Variants in NBAS observed in about 807,000 individuals in gnomAD.
NBAS encodes NBAS subunit of NRZ tethering complex.
In NBAS, 219 loss-of-function variants were observed where a neutral mutation model predicts 302.5. That is an observed-to-expected ratio of 0.72 (90% CI 0.65 to 0.81). NBAS has a LOEUF of 0.81. Ranked by LOEUF, NBAS falls within the 30% of genes least tolerant of loss-of-function variation. The pLI, the probability that NBAS is intolerant of heterozygous loss-of-function variation, is 0.00. For synonymous variants in NBAS, 1,118 were observed against 1,021.6 expected, an observed-to-expected ratio of 1.09 and a Z score of -1.80; for missense variants, 2,932 against 2,841.6, an observed-to-expected ratio of 1.03 and a Z score of -0.72.
At position 15,403,864 on chromosome 2, in the gene NBAS, C is replaced by CGTGTGTGTGTGTGTGT. The variant is rs10624311; in HGVS notation, c.2938-1579_2938-1564dup. Among the ~76,000 whole-genome samples the CGTGTGTGTGTGTGTGT allele has an allele frequency of 5.9e-5, 8 of 135,438 alleles. No homozygotes were observed. In the East Asian group the frequency reaches 6.4e-4, roughly 11 times the overall value. The allele number at this position is 135,438 out of a possible 152,430, so 88.9% of individuals were successfully genotyped here. A position where few individuals can be genotyped will look rare whatever the true frequency, so the allele number is the denominator to read the frequency against. ...TTTCCTGATTTATTTTTCCTTCCTT[C>CGTGTGTGTGTGTGTGT]GTGTGTGTGTGTGTGTGTGTGTGTG... On this transcript the variant is annotated intron_variant, in intron 25 of 51. Transcript: ENST00000281513.
chr2:15,309,395 CAGATCATATGGAA>C (rs1252247882), intron 38 of NBAS, 148 bp from the exon 39 acceptor site: 1 of 634,256 alleles, frequency 1.6e-6, no homozygotes, highest in Non-Finnish European at 2.8e-6. Context: ...CATCTAAAAA[CAGATCATATGGAA>C]CTGTGTTAAA....
At chr2:15,325,947 C>T (rs1473315443) in intron 38 of NBAS, among the ~76,000 whole-genome samples, 1 of 152,148 alleles carries the variant, frequency 6.6e-6, no homozygotes, top group Non-Finnish European at 1.5e-5. Flanking sequence ...TAACTTGCCT[C>T]ATTTCAATAT....
chr2:14,920,074 T>C, the NBAS span, among the ~76,000 whole-genome samples: 3 of 152,198 alleles, frequency 2.0e-5, no homozygotes, highest in Admixed American at 1.3e-4. Context: ...TATAGCCTTA[T>C]GAAATATATT....
intron 40 of NBAS, among the ~76,000 whole-genome samples, chr2:15,307,575 GC>G (rs1242964713): frequency 2.6e-5 from 4 of 152,114 alleles, no homozygotes; most frequent in Non-Finnish European, 5.9e-5. Context: ...ATTTCACAAT[GC>G]CAATAATTAA....
the NBAS span, among the ~76,000 whole-genome samples, chr2:14,897,513 T>G: frequency 7.9e-4 from 121 of 152,348 alleles, no homozygotes; most frequent in Non-Finnish European, 1.3e-3. Flanking sequence ...GAAATATTGA[T>G]TGTCCTCTCT....
chr2:15,164,955 T>C (rs933962182), downstream of NBAS, among the ~76,000 whole-genome samples: 5 of 152,170 alleles, frequency 3.3e-5, no homozygotes, highest in African/African-American at 4.8e-5. Context: ...ATTGTGGGGC[T>C]GGGGGACTGG....
At chr2:15,153,503 TGAGA>T in the NBAS span, among the ~76,000 whole-genome samples, 2 of 152,252 alleles carry the variant, frequency 1.3e-5, no homozygotes, top group African/African-American at 2.4e-5. Flanking sequence ...TGACATTCTC[TGAGA>T]GTGAGCTCCC....
chr2:15,553,579 G>A (rs192556996), intron 4 of NBAS, 106 bp from the exon 5 acceptor site: 3 of 1,047,144 alleles, frequency 2.9e-6, no homozygotes, highest in Admixed American at 1.9e-5. Context: ...TTTTAAATTT[G>A]TTCACATGCT....
intron 34 of NBAS, among the ~76,000 whole-genome samples, chr2:15,352,591 TG>T (rs1673417262): frequency 6.6e-6 from 1 of 152,180 alleles, no homozygotes. Context: ...CCTTCTCTCC[TG>T]ATTCTTCCCT....
At chr2:15,551,180 T>G (rs1251310537) in intron 6 of NBAS, among the ~76,000 whole-genome samples, 1 of 152,190 alleles carries the variant, frequency 6.6e-6, no homozygotes, top group Non-Finnish European at 1.5e-5. Flanking sequence ...TACTAGTCTG[T>G]ATCTAACTCT....
At position 15,419,335 on chromosome 2, in the gene NBAS, A is replaced by ATGTGTGTGTG. The variant is rs55830610; in HGVS notation, c.2578-1633_2578-1624dup. On this transcript the variant is annotated intron_variant, in intron 23 of 51. Transcript: ENST00000281513. Reference sequence around the variant, plus strand: ...CAGAAATTCATATTCATACATATATATGTGTGTGTGTGTGTGTGTGTGTGT... The same window carrying ATGTGTGTGTG: ...CAGAAATTCATATTCATACATATATATGTGTGTGTGTGTGTGTGTGTGTGTGTGTGTGTGT... Among the ~76,000 whole-genome samples, 7 of 149,994 alleles carry ATGTGTGTGTG rather than the reference A, an allele frequency of 4.7e-5. No homozygotes were observed. In the East Asian group the frequency reaches 1.4e-3, roughly 30 times the overall value.
chr2:14,986,192 A>C, the NBAS span, among the ~76,000 whole-genome samples: 1 of 151,994 alleles, frequency 6.6e-6, no homozygotes, highest in Non-Finnish European at 1.5e-5. Flanking sequence ...AGGTGTTTAA[A>C]TCCCTTACAG....
chr2:15,406,955 C>T (rs1280356494), intron 25 of NBAS, among the ~76,000 whole-genome samples: 1 of 152,148 alleles, frequency 6.6e-6, no homozygotes, highest in African/African-American at 2.4e-5. Flanking sequence ...TAAATTAGAA[C>T]AGTCCTACTA....
At chr2:14,837,265 G>A in the NBAS span, among the ~76,000 whole-genome samples, 1 of 151,798 alleles carries the variant, frequency 6.6e-6, no homozygotes, top group Non-Finnish European at 1.5e-5. Context: ...AGATGCCTAT[G>A]CAAAATTCTA....
chr2:15,337,826 T>A (rs1235870426), intron 35 of NBAS, among the ~76,000 whole-genome samples: 1 of 152,210 alleles, frequency 6.6e-6, no homozygotes, highest in African/African-American at 2.4e-5. Flanking sequence ...TAACTTCATA[T>A]AATGGAGAAA....
the NBAS span, among the ~76,000 whole-genome samples, chr2:14,882,612 A>T: frequency 1.3e-5 from 2 of 152,168 alleles, no homozygotes; most frequent in Non-Finnish European, 2.9e-5. Flanking sequence ...TATCAAGAAA[A>T]CAAAATAATC....
intron 11 of NBAS, among the ~76,000 whole-genome samples, chr2:15,497,704 C>A (rs1023934916): frequency 2.0e-5 from 3 of 152,106 alleles, no homozygotes; most frequent in Non-Finnish European, 4.4e-5. Flanking sequence ...CAGTTTAGGA[C>A]TTCTTGGGAT....
Position 15,474,306 on chromosome 2 carries a change from G to A in NBAS, c.1360C>T (p.Pro454Ser). 2.5e-6 allele frequency: 4 copies of A among 1,612,778 alleles called. No individual in the cohort carries two copies. The highest frequency in any genetic ancestry group is 2.5e-6 in the Non-Finnish European group (3 of 1,179,280). Residue 454 changes from proline to serine, a missense_variant, in exon 15 of 52, where the codon CCC (proline) becomes TCC (serine). Coordinates refer to ENST00000281513, the MANE Select transcript of NBAS (RefSeq NM_015909.4). ...CTAGTCTCCAAACGAGATCGTTTGG[G>A]GGCAAGTTTAATCTCACACTAAATT... ...LSLECEIKLA[P>S]KRSRLETRAG...
the NBAS span, among the ~76,000 whole-genome samples, chr2:15,134,446 C>T: frequency 1.2e-4 from 19 of 152,202 alleles, no homozygotes; most frequent in East Asian, 9.7e-4. Flanking sequence ...CCTAAACAAA[C>T]TAAGACTCTC....
Sources: allele counts gnomAD v4.1 joint callset (sites outside exome capture counted in the v4.1 genomes callset), GRCh38; gene constraint gnomAD v4.1.1; transcripts MANE v1.5; gene names NCBI Gene and HGNC (gene_info 2026-07-23, HGNC 2026-07-21).